Variants in STON2 observed in about 807,000 individuals in gnomAD.
STON2 encodes stonin-2.
A neutral mutation model predicts 65.7 loss-of-function variants in STON2; 29 were observed. The observed-to-expected ratio is 0.44, with a 90% CI of 0.33 to 0.60. The LOEUF is 0.60. Among genes scored for constraint, STON2 ranks in the 20% least tolerant of loss-of-function variants. The probability of loss-of-function intolerance (pLI) is 0.03; values close to 1 mark genes in which losing one functional copy is unlikely to be tolerated. For missense variants in STON2, 1,054 were observed against 1,118.1 expected, an observed-to-expected ratio of 0.94 and a Z score of 0.82; for synonymous variants, 404 against 414.2, an observed-to-expected ratio of 0.98 and a Z score of 0.30.
At chr14:81,414,667 T>TA (rs1901336506) in intron 2 of STON2, among the ~76,000 whole-genome samples, 1 of 151,260 alleles carries the variant, frequency 6.6e-6, no homozygotes, top group Non-Finnish European at 1.5e-5. Flanking sequence ...ACTCAGTAAA[T>TA]ACAAGAACAA....
Position 81,277,733 on chromosome 14 carries a change from C to G in STON2, c.1749G>C (p.Gln583His), listed in dbSNP as rs1161166849. 3 of 1,614,168 alleles carry G rather than the reference C, an allele frequency of 1.9e-6. No homozygotes were observed. The highest frequency in any genetic ancestry group is 2.5e-6 in the Non-Finnish European group (3 of 1,180,040). Reference sequence around the variant, plus strand: ...AATTGGTGGTGCCCAGCTTAATCACCTGTTCCCTCTCTGCTGTGTGGGCCA... The same window carrying G: ...AATTGGTGGTGCCCAGCTTAATCACGTGTTCCCTCTCTGCTGTGTGGGCCA... ...PAVAHTAERE[Q>H]VIKLGTTNYD... Residue 583 changes from glutamine (Q) to histidine (H), a missense_variant, in exon 6 of 8, where the codon CAG becomes CAC. Transcript: ENST00000614646.
intron 5 of STON2, among the ~76,000 whole-genome samples, chr14:81,313,144 A>G (rs1173206578): frequency 1.3e-5 from 2 of 152,352 alleles, no homozygotes; most frequent in African/African-American, 4.8e-5. Flanking sequence ...TTTCTGTCAC[A>G]AAAGACTTAC....
chr14:81,347,495 A>G (rs1451017478), intron 4 of STON2, among the ~76,000 whole-genome samples: 1 of 152,046 alleles, frequency 6.6e-6, no homozygotes, highest in Non-Finnish European at 1.5e-5. Flanking sequence ...CCAAACTTAT[A>G]AAGAAGAATT....
chr14:81,366,570 A>G (rs7145296), intron 4 of STON2, among the ~76,000 whole-genome samples: 84,839 of 151,232 alleles, frequency 0.56, 25,508 homozygotes, highest in African/African-American at 0.77. Context: ...AGGGCACGGC[A>G]GGGGGTGGGG....
intron 2 of STON2, among the ~76,000 whole-genome samples, chr14:81,407,278 G>C (rs752552377): frequency 6.6e-6 from 1 of 152,014 alleles, no homozygotes; most frequent in South Asian, 2.1e-4. Context: ...TCTAAATACA[G>C]GTCATTTCAC....
chr14:81,283,691 C>A (rs1027083109), intron 5 of STON2, among the ~76,000 whole-genome samples: 8 of 152,096 alleles, frequency 5.3e-5, no homozygotes, highest in African/African-American at 1.9e-4. Context: ...CCACCACGCC[C>A]GGCTAATTTT....
intron 5 of STON2, among the ~76,000 whole-genome samples, chr14:81,307,198 G>A (rs1410385293): frequency 6.6e-6 from 1 of 152,222 alleles, no homozygotes. Context: ...ACCTTCAAGT[G>A]AGTCTAAGCT....
intron 2 of STON2, among the ~76,000 whole-genome samples, chr14:81,418,813 T>C (rs185543023): frequency 2.6e-4 from 40 of 152,328 alleles, no homozygotes; most frequent in African/African-American, 8.9e-4. Flanking sequence ...TTAAAAATAT[T>C]TGGAAGATAG....
chr14:81,327,611 T>C (rs1897047631), intron 4 of STON2, among the ~76,000 whole-genome samples: 1 of 152,184 alleles, frequency 6.6e-6, no homozygotes, highest in East Asian at 1.9e-4. Flanking sequence ...TCCTAGGGAT[T>C]GAAAAATGAT....
At chr14:81,282,653 G>A (rs569397631) in intron 5 of STON2, among the ~76,000 whole-genome samples, 19 of 152,232 alleles carry the variant, frequency 1.2e-4, no homozygotes, top group Non-Finnish European at 5.9e-5. Flanking sequence ...TAAAAAATTC[G>A]AAATCTGTAT....
At chr14:81,294,068 T>C (rs1895666805) in intron 5 of STON2, among the ~76,000 whole-genome samples, 2 of 152,200 alleles carry the variant, frequency 1.3e-5, no homozygotes, top group South Asian at 4.1e-4. Context: ...TGGCTTCTGT[T>C]ACTTGCAATT....
At chr14:81,391,548 G>C (rs1316352268) in intron 3 of STON2, among the ~76,000 whole-genome samples, 1 of 152,244 alleles carries the variant, frequency 6.6e-6, no homozygotes, top group African/African-American at 2.4e-5. Context: ...GGAAACCCAA[G>C]AGGGAATTAG....
At position 81,412,114 on chromosome 14, in the gene STON2, G is replaced by C. The variant is rs375102461; in HGVS notation, c.-198-13534C>G. On this transcript the variant is annotated intron_variant, in intron 2 of 8. Coordinates refer to the STON2 transcript ENST00000553821. ...AGGTTGTAAAGGTCATGAGTTTTTA[G>C]AACTACAAGGTCTTGTGATTCAGAT... Among the ~76,000 whole-genome samples, 2 of 140,186 alleles carry C rather than the reference G, an allele frequency of 1.4e-5. 1 individual carries two copies. The highest frequency in any genetic ancestry group is 5.1e-4 in the East Asian group (2 of 3,940). 92.0% of individuals were successfully genotyped at this position (140,186 alleles called of 152,430 possible). A position where few individuals can be genotyped will look rare whatever the true frequency, so the allele number is the denominator to read the frequency against.
At chr14:81,369,129 TG>T (rs1464673022) in intron 4 of STON2, among the ~76,000 whole-genome samples, 1 of 152,186 alleles carries the variant, frequency 6.6e-6, no homozygotes, top group Non-Finnish European at 1.5e-5. Context: ...CCATAGCTCC[TG>T]TTGGGCAGTC....
chr14:81,421,571 T>C (rs989046520), intron 2 of STON2, among the ~76,000 whole-genome samples: 1 of 152,158 alleles, frequency 6.6e-6, no homozygotes, highest in Non-Finnish European at 1.5e-5. Flanking sequence ...TTTACAGCCA[T>C]TTAGGATGTA....
intron 3 of STON2, among the ~76,000 whole-genome samples, chr14:81,376,778 T>C (rs1899271312): frequency 6.6e-6 from 1 of 152,180 alleles, no homozygotes. Context: ...TAGTGATCTA[T>C]GGAAAGGAGA....
At chr14:81,369,624 G>A (rs558708204) in intron 4 of STON2, among the ~76,000 whole-genome samples, 124 of 152,316 alleles carry the variant, frequency 8.1e-4, no homozygotes, top group Non-Finnish European at 1.6e-3. Flanking sequence ...CTCATTTGGA[G>A]ATGATAACTT....
intron 4 of STON2, among the ~76,000 whole-genome samples, chr14:81,332,131 C>T (rs981209064): frequency 1.3e-5 from 2 of 152,108 alleles, no homozygotes; most frequent in Non-Finnish European, 2.9e-5. Context: ...GGCTGGGGAG[C>T]GGTGGGAAGG....
At chr14:81,270,524 C>A in intron 7 of STON2, 146 bp downstream of exon 7, 2 of 1,555,574 alleles carry the variant, frequency 1.3e-6, no homozygotes, top group South Asian at 2.5e-5. Context: ...CAGACGCACC[C>A]ACAGCTATGT....
Sources: allele counts gnomAD v4.1 joint callset (sites outside exome capture counted in the v4.1 genomes callset), GRCh38; gene constraint gnomAD v4.1.1; transcripts MANE v1.5; gene names NCBI Gene and HGNC (gene_info 2026-07-23, HGNC 2026-07-21).